ADGRB3: variants seen among roughly 807,000 people sequenced by gnomAD.
ADGRB3 encodes adhesion G protein-coupled receptor B3.
In ADGRB3, 37 loss-of-function variants were observed where a neutral mutation model predicts 193.4. The ratio of observed to expected loss-of-function variants is 0.19; its 90% CI spans 0.15 to 0.25. The LOEUF (loss-of-function observed/expected upper bound fraction) is 0.25. Ranked by LOEUF, ADGRB3 falls within the 10% of genes least tolerant of loss-of-function variation. The pLI is 1.00. For synonymous variants in ADGRB3, 690 were observed against 644.2 expected (o/e 1.07, Z -1.08); for missense variants, 1,637 against 1,852.9 (o/e 0.88, Z 2.14).
intron 3 of ADGRB3, among the ~76,000 whole-genome samples, chr6:68,799,141 G>T (rs1767266852): frequency 6.6e-6 from 1 of 151,914 alleles, no homozygotes; most frequent in Admixed American, 6.6e-5. Context: ...AGATAAGGAA[G>T]ACAAGATAGG....
chr6:69,054,288 A>G (rs1266664425), intron 15 of ADGRB3, among the ~76,000 whole-genome samples: 1 of 152,202 alleles, frequency 6.6e-6, no homozygotes, highest in Non-Finnish European at 1.5e-5. Context: ...TGAGGCTGAA[A>G]TTTTTATATA....
At chr6:69,200,977 A>G (rs1476820723) in intron 17 of ADGRB3, among the ~76,000 whole-genome samples, 1 of 152,106 alleles carries the variant, frequency 6.6e-6, no homozygotes, top group African/African-American at 2.4e-5. Flanking sequence ...TTTATTTAAT[A>G]AGCAACATAA....
chr6:69,096,659 G>C (rs1772887744), intron 17 of ADGRB3, among the ~76,000 whole-genome samples: 1 of 152,002 alleles, frequency 6.6e-6, no homozygotes, highest in Non-Finnish European at 1.5e-5. Flanking sequence ...ATCAAAATCT[G>C]TTTCCAGTTC....
At chr6:68,857,430 G>C (rs1001376128) in intron 3 of ADGRB3, among the ~76,000 whole-genome samples, 1 of 152,194 alleles carries the variant, frequency 6.6e-6, no homozygotes, top group Non-Finnish European at 1.5e-5. Flanking sequence ...TCTTGCATCA[G>C]TTTGACCTGA....
chr6:69,310,113 A>G (rs1417041164), intron 20 of ADGRB3, among the ~76,000 whole-genome samples: 2 of 151,790 alleles, frequency 1.3e-5, no homozygotes, highest in Non-Finnish European at 2.9e-5. Context: ...ACATAAGAAT[A>G]AAACACTATA....
intron 3 of ADGRB3, among the ~76,000 whole-genome samples, chr6:68,793,828 G>A (rs961308928): frequency 2.6e-5 from 4 of 151,930 alleles, no homozygotes; most frequent in Admixed American, 6.6e-5. Context: ...CACGCCCAGC[G>A]TATATTTAAA....
chr6:68,949,010 C>T (rs1393621586), intron 6 of ADGRB3, among the ~76,000 whole-genome samples: 1 of 151,900 alleles, frequency 6.6e-6, no homozygotes, highest in Non-Finnish European at 1.5e-5. Context: ...GTATTAATTA[C>T]CCCTCTATAT....
intron 17 of ADGRB3, among the ~76,000 whole-genome samples, chr6:69,209,988 A>G (rs1020443007): frequency 4.6e-5 from 7 of 151,154 alleles, no homozygotes; most frequent in Non-Finnish European, 7.4e-5. Context: ...CAGAAACCCC[A>G]AAACCAATGA....
intron 20 of ADGRB3, among the ~76,000 whole-genome samples, chr6:69,292,780 A>G (rs913008339): frequency 3.9e-5 from 6 of 152,008 alleles, no homozygotes; most frequent in African/African-American, 1.5e-4. Flanking sequence ...CAGGTTAGTT[A>G]CATATGTATA....
chr6:68,792,680 A>G (rs2127367279), intron 3 of ADGRB3, among the ~76,000 whole-genome samples: 1 of 152,306 alleles, frequency 6.6e-6, no homozygotes, highest in South Asian at 2.1e-4. Context: ...TTTCAATCCT[A>G]TTTGTAAAAA....
chr6:69,351,705 A>ATG (rs1296898655), intron 26 of ADGRB3, among the ~76,000 whole-genome samples: 1 of 152,162 alleles, frequency 6.6e-6, no homozygotes, highest in Non-Finnish European at 1.5e-5. Context: ...TTGATTTTAT[A>ATG]TGTGTGTGTG....
At chr6:69,156,104 A>T (rs1463545180) in intron 17 of ADGRB3, among the ~76,000 whole-genome samples, 2 of 152,216 alleles carry the variant, frequency 1.3e-5, no homozygotes, top group Non-Finnish European at 2.9e-5. Flanking sequence ...CCAAAATATT[A>T]TAATTGTCTT....
At position 68,913,442 on chromosome 6, in the gene ADGRB3, T is replaced by C. The variant is rs9446071; in HGVS notation, c.758-17117T>C. ...TGATACAGGCAGACAGGGTCTGGAG[T>C]GGACCTCTAGCAAACTCCAACAGAC... On this transcript the variant is annotated intron_variant, in intron 3 of 31. Coordinates refer to ENST00000370598, the MANE Select transcript of ADGRB3 (RefSeq NM_001704.3). 8.9e-3 allele frequency among the ~76,000 whole-genome samples: 1,352 copies of C among 152,210 alleles called. 36 individuals carry two copies. The highest frequency in any genetic ancestry group is 0.031 in the African/African-American group (1,291 of 41,528).
intron 22 of ADGRB3, 27 bp from the exon 23 acceptor site, chr6:69,330,479 T>A: frequency 3.8e-6 from 6 of 1,582,584 alleles, no homozygotes; most frequent in Non-Finnish European, 5.2e-6. Flanking sequence ...CTAATTTTTG[T>A]TAGTTCTTAT....
intron 13 of ADGRB3, among the ~76,000 whole-genome samples, chr6:69,030,610 T>G (rs1462820629): frequency 1.3e-5 from 2 of 151,994 alleles, no homozygotes; most frequent in Non-Finnish European, 2.9e-5. Context: ...CACCAGGGCC[T>G]GTCAGGGGAG....
In ADGRB3 at chr6:69,021,464, A is replaced by G. The variant is rs562851069; in HGVS notation, c.2107+2965A>G. On this transcript the variant is annotated intron_variant, in intron 13 of 31. Coordinates refer to ENST00000370598, the MANE Select transcript of ADGRB3 (RefSeq NM_001704.3). ...TATAGTTTCAGCATTTCTGTTTTCT[A>G]GTTACTGGATTAGATAGAATGGGTT... 3.9e-3 allele frequency among the ~76,000 whole-genome samples: 588 copies of G among 151,978 alleles called. 10 individuals are homozygous for G. Among genetic ancestry groups the G allele is most frequent in the African/African-American group, 0.014 (566 of 41,532 alleles).
chr6:68,882,970 T>C (rs1176501201), intron 3 of ADGRB3, among the ~76,000 whole-genome samples: 1 of 152,112 alleles, frequency 6.6e-6, no homozygotes, highest in Non-Finnish European at 1.5e-5. Flanking sequence ...CTCTGCTTAC[T>C]GCAAGCTCTG....
intron 8 of ADGRB3, among the ~76,000 whole-genome samples, chr6:68,962,029 G>A (rs1768247376): frequency 6.6e-6 from 1 of 152,148 alleles, no homozygotes; most frequent in Non-Finnish European, 1.5e-5. Flanking sequence ...CTACTCAAGT[G>A]TCCATACCAG....
intron 17 of ADGRB3, among the ~76,000 whole-genome samples, chr6:69,083,749 T>C (rs543807492): frequency 6.6e-6 from 1 of 151,180 alleles, no homozygotes; most frequent in Non-Finnish European, 1.5e-5. Flanking sequence ...CCAGCTTTCA[T>C]GAGCCACCTA....
Sources: allele counts gnomAD v4.1 joint callset (sites outside exome capture counted in the v4.1 genomes callset), GRCh38; gene constraint gnomAD v4.1.1; transcripts MANE v1.5; gene names NCBI Gene and HGNC (gene_info 2026-07-23, HGNC 2026-07-21).